ABCC12: variants seen among roughly 807,000 people sequenced by gnomAD.
The protein encoded by ABCC12 is ATP-binding cassette sub-family C member 12.
ABCC12 carries 142 observed loss-of-function variants against 151.1 expected under a neutral mutation model. The ratio of observed to expected loss-of-function variants is 0.94; its 90% CI spans 0.82 to 1.08. The LOEUF is 1.08. ABCC12 is among the 50% of genes least tolerant of loss of function. The probability of loss-of-function intolerance (pLI) is 0.00; values close to 1 mark genes in which losing one functional copy is unlikely to be tolerated. For missense variants in ABCC12, 1,638 were observed against 1,691.1 expected (o/e 0.97, Z 0.55); for synonymous variants, 645 against 646.4 (o/e 1.00, Z 0.03).
At position 48,108,471 on chromosome 16, in the gene ABCC12, T is replaced by C. The variant is rs1396712502; in HGVS notation, c.2340A>G (p.Lys780=). ...AAGCCTTAATGTACGTGTGATATGT[T>C]TTCCAGGTCACGGTTCCTTCCTGGG... ...ESPQEGTVTW[K]TYHTYIKASG... Residue 780 remains lysine, a synonymous_variant, in exon 19 of 31, where the codon AAA becomes AAG. Transcript: ENST00000311303. 2.7e-5 allele frequency: 43 copies of C among 1,614,100 alleles called. No homozygotes were observed. Among genetic ancestry groups the C allele is most frequent in the Non-Finnish European group, 3.6e-5 (42 of 1,180,038 alleles).
At chr16:48,142,725 A>T (rs1369444678) in intron 4 of ABCC12, among the ~76,000 whole-genome samples, 1 of 152,222 alleles carries the variant, frequency 6.6e-6, no homozygotes, top group Non-Finnish European at 1.5e-5. Flanking sequence ...AATGAAGTTG[A>T]TGTCTTCATC....
chr16:48,119,026 G>A (rs1963981749), intron 13 of ABCC12, among the ~76,000 whole-genome samples: 1 of 152,194 alleles, frequency 6.6e-6, no homozygotes, highest in Admixed American at 6.5e-5. Context: ...GACTCAGACT[G>A]CGCAGCACAT....
rs780695755 is a variant in ABCC12, at chr16:48,108,498, G to A, written c.2313C>T (p.Ser771=). Residue 771 remains serine (S), a synonymous_variant, in exon 19 of 31, where the codon TCC becomes TCT. Coordinates refer to ENST00000311303, the MANE Select transcript of ABCC12 (RefSeq NM_001393797.1). The stretch of plus-strand genomic sequence containing the variant: ...TCCAGGTCACGGTTCCTTCCTGGGG[G>A]GATTCAGTCTGGATGAGCTGGTGCT... The part of the protein sequence containing the change: ...VPEHQLIQTE[S]PQEGTVTWKT... 8.7e-6 allele frequency: 14 copies of A among 1,614,046 alleles called. No homozygotes were observed. The highest frequency in any genetic ancestry group is 5.0e-5 in the Admixed American group (3 of 59,992).
rs1169200874 is a variant in ABCC12 at position 48,088,098 on chromosome 16, A to G, written c.3476-13T>C. The G allele has an allele frequency of 6.2e-7, 1 of 1,611,936 alleles. No homozygotes were observed. Among genetic ancestry groups the G allele is most frequent in the Non-Finnish European group, 8.5e-7 (1 of 1,178,664 alleles). On this transcript the variant is annotated splice_polypyrimidine_tract_variant and intron_variant, in intron 26 of 30. Coordinates refer to ENST00000311303, the MANE Select transcript of ABCC12 (RefSeq NM_001393797.1). ...AACGATGACTTTCCTGGGAACCATA[A>G]AAGTAAGAACAACAAATCAAACATC...
At chr16:48,107,212 G>T in intron 20 of ABCC12, 110 bp downstream of exon 20, 2 of 999,820 alleles carry the variant, frequency 2.0e-6, no homozygotes, top group Non-Finnish European at 3.2e-6. Context: ...AAGGGCAGAG[G>T]GATGCATGTG....
intron 2 of ABCC12, among the ~76,000 whole-genome samples, chr16:48,152,015 A>G (rs968764245): frequency 1.3e-4 from 20 of 152,230 alleles, no homozygotes; most frequent in African/African-American, 4.3e-4. Context: ...TGCCCGTGTC[A>G]TGGGGCTCTA....
chr16:48,144,022 C>G lies in ABCC12; in HGVS notation c.163G>C (p.Ala55Pro). The G allele has an allele frequency of 1.2e-6, 2 of 1,614,106 alleles. No homozygotes were observed. The highest frequency in any genetic ancestry group is 1.7e-6 in the Non-Finnish European group (2 of 1,179,982). Residue 55 changes from alanine to proline, a missense_variant, in exon 4 of 31, where the codon GCC becomes CCC. Transcript: ENST00000311303. ...PVDDAGLLSF[A>P]TFSWLTPVMV... The stretch of plus-strand genomic sequence containing the variant: ...ACCGGCGTGAGCCAGGAAAATGTGG[C>G]GAAGGAGAGTAGCCCGGCATCATCC...
intron 8 of ABCC12, 109 bp downstream of exon 8, chr16:48,138,119 G>T: frequency 1.6e-6 from 2 of 1,239,680 alleles, no homozygotes; most frequent in South Asian, 1.8e-5. Flanking sequence ...AGCTCAGAGG[G>T]TCCCCTCAGC....
chr16:48,088,707 G>C lies in ABCC12; in HGVS notation c.3313C>G (p.Leu1105Val). 1 of 1,613,876 alleles carries C rather than the reference G, an allele frequency of 6.2e-7. No homozygotes were observed. The highest frequency in any genetic ancestry group is 8.5e-7 in the Non-Finnish European group (1 of 1,179,840). Reference sequence around the variant, plus strand: ...TCCTTGGGACAGGTCCCCACTTTGAGGGGATGAGTGCATTCAGGAACACAG... The same window carrying C: ...TCCTTGGGACAGGTCCCCACTTTGACGGGATGAGTGCATTCAGGAACACAG... ...STCVPECTHP[L>V]KVGTCPKDWP... Residue 1105 changes from leucine to valine, a missense_variant, in exon 26 of 31, where the codon CTC (leucine) becomes GTC (valine). By Grantham distance (32) the Leu-to-Val change is conservative. Coordinates refer to ENST00000311303, the MANE Select transcript of ABCC12 (RefSeq NM_001393797.1).
chr16:48,109,040 C>G (rs1963596986), intron 18 of ABCC12, among the ~76,000 whole-genome samples: 1 of 152,092 alleles, frequency 6.6e-6, no homozygotes, highest in African/African-American at 2.4e-5. Flanking sequence ...GGGGTGAAGG[C>G]CGCTCCCTGG....
At chr16:48,153,285 G>A (rs1965140374) in intron 2 of ABCC12, among the ~76,000 whole-genome samples, 1 of 152,118 alleles carries the variant, frequency 6.6e-6, no homozygotes, top group Admixed American at 6.5e-5. Flanking sequence ...AGGGTAGTTG[G>A]GATCTCTTAG....
rs770490894 is a variant in ABCC12 at position 48,084,068 on chromosome 16, A to G, written c.3834T>C (p.Ile1278=). The part of the protein sequence containing the change: ...ARALLRNSKI[I]LLDEATASMD... ...TAGAGGCGGTGGCTTCATCAAGGAG[A>G]ATGATCTGTGGAGGAGGAAACATTA... The change falls in exon 30 of 31, where the codon ATT becomes ATC. Residue 1278 remains isoleucine, a synonymous_variant. Transcript: ENST00000311303. The G allele has an allele frequency of 6.2e-7, 1 of 1,609,654 alleles. No homozygotes were observed. The highest frequency in any genetic ancestry group is 1.1e-5 in the South Asian group (1 of 89,326).
chr16:48,092,953 G>C (rs1010896272), intron 24 of ABCC12, among the ~76,000 whole-genome samples: 6 of 152,226 alleles, frequency 3.9e-5, no homozygotes, highest in Non-Finnish European at 7.3e-5. Flanking sequence ...TATGGGTGCA[G>C]ACCCTCTGAG....
rs1435316429 is a variant in ABCC12, at chr16:48,128,528, G to A, written c.1446C>T (p.Ala482=). The part of the protein sequence containing the change: ...YSERSPPAKG[A]TGPEEQSDSL... Reference sequence around the variant, plus strand: ...TGTCACTTTGCTCCTCTGGGCCAGTGGCTCCCTTGGCTGGTGGACTCCTCT... The same window carrying A: ...TGTCACTTTGCTCCTCTGGGCCAGTAGCTCCCTTGGCTGGTGGACTCCTCT... Residue 482 remains alanine (A), a synonymous_variant, in exon 11 of 31, where the codon GCC becomes GCT. Transcript: ENST00000311303. The A allele has an allele frequency of 1.9e-6, 3 of 1,614,106 alleles. No individual in the cohort carries two copies. The highest frequency in any genetic ancestry group is 2.7e-5 in the African/African-American group (2 of 74,942).
intron 10 of ABCC12, 122 bp downstream of exon 10, chr16:48,130,666 C>T (rs1964390815): frequency 5.8e-6 from 4 of 688,792 alleles, no homozygotes; most frequent in Non-Finnish European, 1.0e-5. Flanking sequence ...ATGCCCTCCT[C>T]CCAATGTCAA....
At position 48,104,455 on chromosome 16, in the gene ABCC12, A is replaced by G. The variant is rs544655649; in HGVS notation, c.2674-87T>C. 606 of 1,256,086 alleles carry G rather than the reference A, an allele frequency of 4.8e-4. 7 individuals carry two copies. In the South Asian group the frequency reaches 7.1e-3, roughly 15 times the overall value. The allele number at this position is 1,256,086 out of a possible 1,614,324, so 77.8% of individuals were successfully genotyped here. On this transcript the variant is annotated intron_variant, in intron 21 of 30. Coordinates refer to ENST00000311303, the MANE Select transcript of ABCC12 (RefSeq NM_001393797.1). ...CTGCTGGAGGTGAAATTGTGAGCAC[A>G]GGGCCTGACCTTTTTTCCAGGGCAC... is the stretch of plus-strand genomic sequence containing the variant.
At chr16:48,109,604 T>G (rs1417604991) in intron 18 of ABCC12, among the ~76,000 whole-genome samples, 1 of 152,258 alleles carries the variant, frequency 6.6e-6, no homozygotes, top group African/African-American at 2.4e-5. Flanking sequence ...AAAGGCACCT[T>G]GCTGAATAGA....
At chr16:48,108,790 A>G (rs192239602) in intron 18 of ABCC12, among the ~76,000 whole-genome samples, 115 of 152,318 alleles carry the variant, frequency 7.5e-4, no homozygotes, top group African/African-American at 2.2e-3. Context: ...AGTCCTGAGG[A>G]TGCAAGGATT....
At chr16:48,088,796 A>G in intron 25 of ABCC12, 62 bp from the exon 26 acceptor site, 1 of 1,398,116 alleles carries the variant, frequency 7.2e-7, no homozygotes, top group Non-Finnish European at 9.9e-7. Flanking sequence ...TATTTAACTA[A>G]TTCATTCATT....
Sources: allele counts gnomAD v4.1 joint callset (sites outside exome capture counted in the v4.1 genomes callset), GRCh38; gene constraint gnomAD v4.1.1; transcripts MANE v1.5; gene names NCBI Gene and HGNC (gene_info 2026-07-23, HGNC 2026-07-21).